The following SLC30A9 variants were observed in gnomAD, a reference collection of about 807,000 sequenced individuals.
SLC30A9 encodes solute carrier family 30 member 9, also known as proton-coupled zinc antiporter SLC30A9, mitochondrial.
A neutral mutation model predicts 87.5 loss-of-function variants in SLC30A9; 58 were observed. That is an observed-to-expected ratio of 0.66 (90% CI 0.54 to 0.82). The LOEUF (loss-of-function observed/expected upper bound fraction) is 0.82. Among genes scored for constraint, SLC30A9 ranks in the 40% least tolerant of loss-of-function variants. SLC30A9 has a pLI of 0.00. For missense variants in SLC30A9, 557 were observed against 679.1 expected, an observed-to-expected ratio of 0.82 and a Z score of 2.00; for synonymous variants, 234 against 233.0, an observed-to-expected ratio of 1.00 and a Z score of -0.04.
Position 42,027,330 on chromosome 4 carries a change from C to A in SLC30A9, c.610+3946C>A, listed in dbSNP as rs534862641. Among the ~76,000 whole-genome samples, 8 of 152,308 alleles carry A rather than the reference C, an allele frequency of 5.3e-5. No individual in the cohort carries two copies. In the East Asian group the frequency reaches 1.5e-3, roughly 29 times the overall value. ...TTGTCTGTGGCTGCCTTTGCACTAC[C>A]AACAGCAGAGTTGAGTAGCTCCGAC... is the stretch of plus-strand genomic sequence containing the variant. On this transcript the variant is annotated intron_variant, in intron 6 of 17. Coordinates refer to ENST00000264451, the MANE Select transcript of SLC30A9 (RefSeq NM_006345.4).
chr4:42,044,779 G>A (rs1717075404), intron 8 of SLC30A9, among the ~76,000 whole-genome samples: 1 of 152,126 alleles, frequency 6.6e-6, no homozygotes, highest in South Asian at 2.1e-4. Context: ...TCAGCACCCT[G>A]TCACTCTTAT....
At chr4:42,079,296 C>CTT (rs869238777) in intron 17 of SLC30A9, among the ~76,000 whole-genome samples, 7 of 142,336 alleles carry the variant, frequency 4.9e-5, no homozygotes, top group African/African-American at 1.5e-4. Context: ...ATATAAATAA[C>CTT]TTTTTTTTTT....
intron 8 of SLC30A9, among the ~76,000 whole-genome samples, chr4:42,047,901 A>T (rs375082430): frequency 1.4e-4 from 21 of 152,356 alleles, no homozygotes; most frequent in East Asian, 1.2e-3. Context: ...GCAGCCATAA[A>T]AAAGGATGAG....
chr4:42,038,600 G>A (rs1716786250), intron 7 of SLC30A9, among the ~76,000 whole-genome samples: 1 of 152,214 alleles, frequency 6.6e-6, no homozygotes, highest in South Asian at 2.1e-4. Flanking sequence ...GTTTATCCCT[G>A]TGTAGTTCCT....
At chr4:42,037,117 G>C (rs1248737628) in intron 7 of SLC30A9, among the ~76,000 whole-genome samples, 1 of 151,800 alleles carries the variant, frequency 6.6e-6, no homozygotes, top group African/African-American at 2.4e-5. Context: ...GATAAAACTA[G>C]TATTTCATTT....
At chr4:42,038,842 A>G (rs1716797914) in intron 7 of SLC30A9, 144 bp from the exon 8 acceptor site, 1 of 581,694 alleles carries the variant, frequency 1.7e-6, no homozygotes, top group African/African-American at 1.9e-5. Flanking sequence ...TCCACTTTCT[A>G]AACAAGAACT....
intron 2 of SLC30A9, among the ~76,000 whole-genome samples, chr4:42,017,378 T>G (rs1245083987): frequency 1.1e-4 from 3 of 27,236 alleles, no homozygotes; most frequent in Non-Finnish European, 8.8e-4. Flanking sequence ...TTTCTCTGTT[T>G]TTTTTTTTTT....
At chr4:41,994,270 TGA>T (rs1457872848) in intron 1 of SLC30A9, among the ~76,000 whole-genome samples, 1 of 152,210 alleles carries the variant, frequency 6.6e-6, no homozygotes, top group African/African-American at 2.4e-5. Flanking sequence ...ATATTAACAG[TGA>T]GTTTGTCTAA....
chr4:42,056,981 T>A (rs903863369), intron 9 of SLC30A9, among the ~76,000 whole-genome samples: 4 of 152,136 alleles, frequency 2.6e-5, no homozygotes, highest in African/African-American at 9.7e-5. Context: ...TCCAAAATGA[T>A]CTCCTTTCGC....
intron 9 of SLC30A9, 21 bp from the exon 10 acceptor site, chr4:42,060,169 CT>C (rs1265590794): frequency 8.2e-6 from 13 of 1,593,886 alleles, no homozygotes; most frequent in East Asian, 2.2e-5. Flanking sequence ...GATTATTCAC[CT>C]TTTTTTCTTC....
Position 42,022,863 on chromosome 4 carries a change from A to G in SLC30A9, c.460A>G (p.Arg154Gly). ...SSDLEQLRKI[R>G]RRSPHEDTES... ...TGATCTAGAACAACTTCGAAAAATC[A>G]GACGACGAAGTCCCCATGAAGATAC... The change falls in exon 5 of 18, where the codon AGA becomes GGA. Residue 154 changes from arginine to glycine, a missense_variant. Around this residue, in one of 2 missense-constraint regions of SLC30A9, gnomAD observed 467 missense variants for 529.8 expected, o/e 0.88. Coordinates refer to ENST00000264451, the MANE Select transcript of SLC30A9 (RefSeq NM_006345.4). 2 of 1,600,648 alleles carry G rather than the reference A, an allele frequency of 1.2e-6. No individual in the cohort carries two copies. Among genetic ancestry groups the G allele is most frequent in the African/African-American group, 2.7e-5 (2 of 74,638 alleles).
chr4:42,048,448 A>C (rs145458693), intron 8 of SLC30A9, among the ~76,000 whole-genome samples: 24 of 152,248 alleles, frequency 1.6e-4, no homozygotes, highest in African/African-American at 5.3e-4. Context: ...GGGGACATAC[A>C]GTTCTCTCAT....
At chr4:42,064,447 T>C (rs569009143) in intron 11 of SLC30A9, among the ~76,000 whole-genome samples, 1 of 152,366 alleles carries the variant, frequency 6.6e-6, no homozygotes, top group East Asian at 1.9e-4. Context: ...AACAAGCACA[T>C]TAAACTAGGC....
In SLC30A9 at chr4:42,070,578, CA is replaced by C; in HGVS notation, c.1306del (p.Met436TrpfsTer15). ...CTTTGGGTGTGGGCACCTTATTAGG[CA>C]TGGTCTCAGCATTCCTCATCTACAC... is the stretch of plus-strand genomic sequence containing the variant. Reference protein sequence around the residue: ...GSLGVGTLLGMVSAFLIYTNT... With the variant: ...GSLGVGTLLGXVSAFLIYTNT... On this transcript the variant is annotated frameshift_variant, in exon 15 of 18. Transcript: ENST00000264451. LOFTEE classifies it high-confidence loss of function. The C allele has an allele frequency of 6.2e-7, 1 of 1,612,942 alleles. No individual in the cohort carries two copies. Among genetic ancestry groups the C allele is most frequent in the Non-Finnish European group, 8.5e-7 (1 of 1,179,438 alleles).
intron 1 of SLC30A9, among the ~76,000 whole-genome samples, chr4:41,995,893 A>G (rs1012359335): frequency 2.0e-5 from 3 of 152,072 alleles, no homozygotes; most frequent in African/African-American, 7.2e-5. Context: ...TATTTTTGTT[A>G]GAGACTGGGT....
At chr4:41,993,529 T>C (rs1714548032) in intron 1 of SLC30A9, among the ~76,000 whole-genome samples, 1 of 152,200 alleles carries the variant, frequency 6.6e-6, no homozygotes, top group Admixed American at 6.5e-5. Flanking sequence ...TGTTCCATAC[T>C]GAAAAACAGA....
chr4:41,992,423 A>G (rs558387934), intron 1 of SLC30A9, among the ~76,000 whole-genome samples: 1 of 152,298 alleles, frequency 6.6e-6, no homozygotes, highest in South Asian at 2.1e-4. Context: ...TTCTAACACA[A>G]TTGTTTCTAT....
chr4:42,075,552 G>T (rs1399166398), intron 15 of SLC30A9, 105 bp from the exon 16 acceptor site: 2 of 1,021,268 alleles, frequency 2.0e-6, no homozygotes, highest in Non-Finnish European at 2.9e-6. Context: ...GTCCATTCTC[G>T]TAACTAGTGG....
rs775152975 is a variant in SLC30A9, at chr4:42,075,733, C to T, written c.1495C>T (p.Arg499Ter). 14 of 1,611,974 alleles carry T rather than the reference C, an allele frequency of 8.7e-6. No individual in the cohort carries two copies. The highest frequency in any genetic ancestry group is 1.1e-5 in the Non-Finnish European group (13 of 1,178,408). ...TAAGGCAGAAGTAGATTTTGATGGG[C>T]GAGTTGTTACAAGATCATATTTGGA... ...RFKAEVDFDG[R>*]VVTRSYLEKQ... is the part of the protein sequence containing the mutation. The change falls in exon 16 of 18, where the codon CGA becomes TGA. Residue 499 changes from arginine to a stop codon, truncating the protein, a stop_gained. Transcript: ENST00000264451. LOFTEE classifies it high-confidence loss of function.
Sources: allele counts gnomAD v4.1 joint callset (sites outside exome capture counted in the v4.1 genomes callset), GRCh38; gene constraint gnomAD v4.1.1; regional missense constraint gnomAD v4.1.1; transcripts MANE v1.5; gene names NCBI Gene and HGNC (gene_info 2026-07-23, HGNC 2026-07-21).